STK33: variants seen among roughly 807,000 people sequenced by gnomAD.
The protein encoded by STK33 is serine/threonine-protein kinase 33.
Under a neutral mutation model 58.0 loss-of-function variants are expected in STK33, and 52 were observed. That is an observed-to-expected ratio of 0.90 (90% CI 0.72 to 1.13). STK33 has a LOEUF of 1.13. STK33 is among the 50% of genes most tolerant of loss of function. STK33 has a pLI of 0.00. For missense variants in STK33, 630 were observed against 604.2 expected (o/e 1.04, Z -0.45); for synonymous variants, 215 against 200.1 (o/e 1.07, Z -0.63).
chr11:8,441,147 T>C (rs1005426021), intron 11 of STK33, among the ~76,000 whole-genome samples: 28 of 152,162 alleles, frequency 1.8e-4, no homozygotes, highest in African/African-American at 6.5e-4. Context: ...TGTGGAAATC[T>C]GGATTCACAG....
chr11:8,401,572 T>C (rs954733901), intron 15 of STK33, among the ~76,000 whole-genome samples: 7 of 152,184 alleles, frequency 4.6e-5, no homozygotes, highest in African/African-American at 1.7e-4. Context: ...AAGGACTTCA[T>C]GTCTAAAACA....
At chr11:8,576,908 C>T (rs568689526) in intron 1 of STK33, among the ~76,000 whole-genome samples, 2 of 152,120 alleles carry the variant, frequency 1.3e-5, no homozygotes, top group African/African-American at 4.8e-5. Context: ...TTTAAAAAAC[C>T]TTGAATAAGA....
chr11:8,350,770 C>T, the STK33 span, among the ~76,000 whole-genome samples: 244 of 152,194 alleles, frequency 1.6e-3, 3 homozygotes, highest in African/African-American at 5.8e-3. Flanking sequence ...TGCCTGCAGG[C>T]AGAGAGGGGA....
chr11:8,402,399 G>C (rs908368722), intron 15 of STK33, among the ~76,000 whole-genome samples: 1 of 152,098 alleles, frequency 6.6e-6, no homozygotes, highest in African/African-American at 2.4e-5. Context: ...CTCACTCATA[G>C]GTGGGAATTG....
chr11:8,419,673 A>C (rs1941635152), intron 14 of STK33, among the ~76,000 whole-genome samples: 1 of 152,212 alleles, frequency 6.6e-6, no homozygotes, highest in Non-Finnish European at 1.5e-5. Flanking sequence ...TGCTTTGGGC[A>C]GTATGGTCAT....
intron 15 of STK33, among the ~76,000 whole-genome samples, chr11:8,407,866 A>G (rs1049185015): frequency 2.6e-5 from 4 of 152,172 alleles, no homozygotes; most frequent in African/African-American, 9.7e-5. Flanking sequence ...GATAAAAGTG[A>G]AGAAGAACAC....
At chr11:8,440,787 A>G in intron 11 of STK33, 34 bp from the exon 12 acceptor site, 2 of 1,524,076 alleles carry the variant, frequency 1.3e-6, no homozygotes, top group Non-Finnish European at 1.8e-6. Context: ...TAACATTAAT[A>G]ATACAATAAA....
At chr11:8,477,135 A>G (rs537075786) in intron 3 of STK33, 115 bp downstream of exon 3, 1 of 96,764 alleles carries the variant, frequency 1.0e-5, no homozygotes, top group Admixed American at 1.3e-4. Flanking sequence ...GATGCCACTC[A>G]AAATACACAC....
intron 14 of STK33, among the ~76,000 whole-genome samples, chr11:8,427,518 C>G (rs1000258704): frequency 6.6e-6 from 1 of 151,916 alleles, no homozygotes; most frequent in Admixed American, 6.6e-5. Context: ...GAATTTATCC[C>G]CATTATTTCT....
intron 1 of STK33, among the ~76,000 whole-genome samples, chr11:8,593,425 G>A (rs2032929723): frequency 1.3e-5 from 2 of 152,136 alleles, no homozygotes; most frequent in Non-Finnish European, 2.9e-5. Context: ...CCTTACTAAC[G>A]CTCAAGTGCT....
chr11:8,516,852 A>G (rs996577569), intron 1 of STK33, among the ~76,000 whole-genome samples: 3 of 152,122 alleles, frequency 2.0e-5, no homozygotes, highest in African/African-American at 7.2e-5. Flanking sequence ...AACTGGATGG[A>G]GCCCACCACA....
chr11:8,568,945 G>A (rs9300092), intron 1 of STK33, among the ~76,000 whole-genome samples: 81,280 of 152,026 alleles, frequency 0.53, 21,862 homozygotes, highest in South Asian at 0.64. Flanking sequence ...AAAGACCTAA[G>A]GAAAAGTATG....
At chr11:8,491,772 G>A (rs1464439921) in intron 1 of STK33, among the ~76,000 whole-genome samples, 1 of 152,196 alleles carries the variant, frequency 6.6e-6, no homozygotes, top group Non-Finnish European at 1.5e-5. Flanking sequence ...CAAGCCAGAA[G>A]AGAGTGAGAG....
At chr11:8,378,146 C>A in the STK33 span, among the ~76,000 whole-genome samples, 2 of 152,220 alleles carry the variant, frequency 1.3e-5, no homozygotes, top group Admixed American at 1.3e-4. Context: ...AGTAAACTTA[C>A]AATCATGATG....
At chr11:8,491,320 G>C (rs570910897) in intron 1 of STK33, among the ~76,000 whole-genome samples, 1 of 152,188 alleles carries the variant, frequency 6.6e-6, no homozygotes, top group African/African-American at 2.4e-5. Context: ...TAGCCGATTT[G>C]ATCAAGTGGA....
intron 1 of STK33, among the ~76,000 whole-genome samples, chr11:8,557,692 T>C (rs1370779410): frequency 6.6e-6 from 1 of 152,016 alleles, no homozygotes; most frequent in African/African-American, 2.4e-5. Context: ...AAAAAGGAAC[T>C]TCAGCATTCA....
the STK33 span, among the ~76,000 whole-genome samples, chr11:8,368,516 C>T: frequency 0.023 from 3,511 of 152,342 alleles, 74 homozygotes; most frequent in Non-Finnish European, 0.033. Flanking sequence ...GTCGCCTCTC[C>T]CCTGGGCTCT....
intron 1 of STK33, among the ~76,000 whole-genome samples, chr11:8,547,834 A>G (rs1956044399): frequency 6.6e-6 from 1 of 151,454 alleles, no homozygotes; most frequent in South Asian, 2.1e-4. Flanking sequence ...ATGCAGCCAT[A>G]AAAAAGGATG....
chr11:8,455,796 G>C (rs1305822826), intron 9 of STK33, among the ~76,000 whole-genome samples: 1 of 111,242 alleles, frequency 9.0e-6, no homozygotes, highest in Non-Finnish European at 1.7e-5. Context: ...GGGTAACAGA[G>C]AGAGACTCTG....
Sources: gnomAD v4.1 joint callset for allele counts (sites outside exome capture counted in the v4.1 genomes callset) on GRCh38, gnomAD v4.1.1 for gene constraint, MANE v1.5 for transcripts, NCBI Gene and HGNC (gene_info 2026-07-23, HGNC 2026-07-21) for gene names.